SGCG: variants seen among roughly 807,000 people sequenced by gnomAD.
SGCG encodes sarcoglycan gamma.
In SGCG, 26 loss-of-function variants were observed where a neutral mutation model predicts 29.3. The ratio of observed to expected loss-of-function variants is 0.89; its 90% confidence interval spans 0.65 to 1.23. The LOEUF (loss-of-function observed/expected upper bound fraction) is 1.23. Among genes scored for constraint, SGCG ranks in the 50% most tolerant of loss-of-function variants. The pLI is 0.00. For synonymous variants in SGCG, 145 were observed against 129.7 expected (o/e 1.12, Z -0.80); for missense variants, 353 against 356.0 (o/e 0.99, Z 0.07).
intron 2 of SGCG, among the ~76,000 whole-genome samples, chr13:23,204,609 CTTTCTTTT>C (rs1314697391): frequency 3.5e-4 from 30 of 85,380 alleles, no homozygotes; most frequent in Non-Finnish European, 3.9e-4. Context: ...TCTTTCTTTT[CTTTCTTTT>C]CTTTCTTTCC....
chr13:23,319,719 C>T (rs1882963564), intron 6 of SGCG, among the ~76,000 whole-genome samples: 1 of 152,144 alleles, frequency 6.6e-6, no homozygotes, highest in African/African-American at 2.4e-5. Context: ...GTATCTTTTT[C>T]TGTTTGTTCT....
At chr13:23,269,391 T>C (rs771132395) in intron 4 of SGCG, among the ~76,000 whole-genome samples, 1 of 152,206 alleles carries the variant, frequency 6.6e-6, no homozygotes, top group Non-Finnish European at 1.5e-5. Flanking sequence ...TTACTATTGG[T>C]TGCAGACTCA....
chr13:23,232,627 A>C (rs1879154580), intron 2 of SGCG, among the ~76,000 whole-genome samples: 1 of 151,890 alleles, frequency 6.6e-6, no homozygotes. Flanking sequence ...TTAAAAATAC[A>C]AAAAATTAGC....
upstream of SGCG, among the ~76,000 whole-genome samples, chr13:23,178,612 T>C (rs966184467): frequency 2.6e-5 from 4 of 152,220 alleles, no homozygotes; most frequent in African/African-American, 9.6e-5. Flanking sequence ...TGGCCTAATA[T>C]GTTTCACTAG....
intron 5 of SGCG, among the ~76,000 whole-genome samples, chr13:23,285,762 G>A (rs1881472742): frequency 6.8e-6 from 1 of 146,830 alleles, no homozygotes; most frequent in Non-Finnish European, 1.5e-5. Flanking sequence ...GAATCTCCTG[G>A]TCTGCAGGTT....
chr13:23,299,479 A>G (rs1436395966), intron 6 of SGCG, among the ~76,000 whole-genome samples: 2 of 33,298 alleles, frequency 6.0e-5, no homozygotes, highest in African/African-American at 8.7e-5. Flanking sequence ...TTTTAGTCGG[A>G]GTCTCACTCT....
At chr13:23,319,944 A>G (rs930987625) in intron 6 of SGCG, among the ~76,000 whole-genome samples, 2 of 152,230 alleles carry the variant, frequency 1.3e-5, no homozygotes, top group Non-Finnish European at 2.9e-5. Context: ...TAAATTTTAC[A>G]AAACCAAAAG....
At chr13:23,176,436 A>G (rs1023063333), upstream of SGCG, among the ~76,000 whole-genome samples, 6 of 152,160 alleles carry the variant, frequency 3.9e-5, no homozygotes, top group African/African-American at 1.4e-4. Flanking sequence ...GGGTGCATAT[A>G]TATTTATAAT....
At chr13:23,248,699 GA>G (rs1171271521) in intron 3 of SGCG, among the ~76,000 whole-genome samples, 1,124 of 99,216 alleles carry the variant, frequency 0.011, 13 homozygotes, top group African/African-American at 0.037. Context: ...GTCTCAAAAA[GA>G]AAAAAAAAAA....
intron 6 of SGCG, among the ~76,000 whole-genome samples, chr13:23,299,448 A>ATTTTTTTT (rs1452293006): frequency 8.5e-5 from 1 of 11,828 alleles, no homozygotes; most frequent in African/African-American, 2.1e-4. Flanking sequence ...ATATATATAT[A>ATTTTTTTT]TATATATATT....
At chr13:23,317,769 A>G (rs1882877387) in intron 6 of SGCG, among the ~76,000 whole-genome samples, 1 of 152,116 alleles carries the variant, frequency 6.6e-6, no homozygotes, top group Admixed American at 6.5e-5. Context: ...TTTGAAGATT[A>G]TGTGTGATCT....
rs1253610474 is a variant in SGCG, at chr13:23,192,170, G to A, written c.-1+11095G>A. ...AGCCTGGGCGACAGAGTGAGACTGC[G>A]TCCCAAAAAAAAAAAAAAAAATGAA... On this transcript the variant is annotated intron_variant, in intron 1 of 7. Transcript: ENST00000218867. Among the ~76,000 whole-genome samples the A allele has an allele frequency of 1.1e-3, 108 of 96,780 alleles. 1 individual carries two copies. Among genetic ancestry groups the A allele is most frequent in the African/African-American group, 3.1e-3 (93 of 30,194 alleles). 63.5% of individuals were successfully genotyped at this position (96,780 alleles called of 152,430 possible).
At chr13:23,285,263 T>G (rs1881454246) in intron 5 of SGCG, among the ~76,000 whole-genome samples, 1 of 152,154 alleles carries the variant, frequency 6.6e-6, no homozygotes, top group African/African-American at 2.4e-5. Flanking sequence ...TATCTATAAC[T>G]CCCTGACTGG....
At chr13:23,240,339 T>C (rs577433934) in intron 3 of SGCG, among the ~76,000 whole-genome samples, 19 of 152,296 alleles carry the variant, frequency 1.2e-4, no homozygotes, top group East Asian at 9.6e-4. Context: ...AACTGATAGA[T>C]TGTAAGAAAG....
intron 3 of SGCG, among the ~76,000 whole-genome samples, chr13:23,241,740 A>G (rs1593192247): frequency 1.3e-5 from 2 of 152,292 alleles, no homozygotes; most frequent in Middle Eastern, 3.4e-3. Flanking sequence ...AGCAAACCAA[A>G]TACAACACAT....
rs1310361512 is a variant in SGCG at position 23,204,600 on chromosome 13, CTTTCTTTTCTTTCTTTT to C, written c.195+712_195+728del. ...ACAGGCTCTTTCTTTTCTTTCTTTT[CTTTCTTTTCTTTCTTTT>C]CTTTCTTTCCTTTCTTTCCTTTCTT... is the stretch of plus-strand genomic sequence containing the variant. On this transcript the variant is annotated intron_variant, in intron 2 of 7. Transcript: ENST00000218867. 3.1e-3 allele frequency among the ~76,000 whole-genome samples: 461 copies of C among 150,162 alleles called. 2 individuals are homozygous for C. Among genetic ancestry groups the C allele is most frequent in the African/African-American group, 0.011 (435 of 40,854 alleles).
chr13:23,273,141 C>T (rs1880930048), intron 4 of SGCG, among the ~76,000 whole-genome samples: 1 of 151,070 alleles, frequency 6.6e-6, no homozygotes, highest in African/African-American at 2.4e-5. Flanking sequence ...TCTTTTGACT[C>T]ACTTTGTTGT....
At chr13:23,282,621 T>C (rs1001503588) in intron 5 of SGCG, among the ~76,000 whole-genome samples, 2 of 152,238 alleles carry the variant, frequency 1.3e-5, no homozygotes, top group Admixed American at 6.5e-5. Flanking sequence ...CTAAGGATAA[T>C]AGTCTCCAGC....
At chr13:23,213,559 A>G (rs372861282) in intron 2 of SGCG, among the ~76,000 whole-genome samples, 19 of 152,326 alleles carry the variant, frequency 1.2e-4, no homozygotes, top group African/African-American at 4.3e-4. Context: ...ACTGAACTTA[A>G]AGAGATCAAA....
Sources: allele counts gnomAD v4.1 joint callset (sites outside exome capture counted in the v4.1 genomes callset), GRCh38; gene constraint gnomAD v4.1.1; transcripts MANE v1.5; gene names NCBI Gene and HGNC (gene_info 2026-07-23, HGNC 2026-07-21).